The following ARHGAP25 variants were observed in gnomAD, a reference collection of about 807,000 sequenced individuals.
ARHGAP25 encodes the protein Rho GTPase activating protein 25, also known as rho GTPase-activating protein 25.
A neutral mutation model predicts 71.0 loss-of-function variants in ARHGAP25; 34 were observed. The observed-to-expected ratio is 0.48, with a 90% CI of 0.36 to 0.64. ARHGAP25 has a LOEUF of 0.64. Ranked by LOEUF, ARHGAP25 falls within the 30% of genes least tolerant of loss-of-function variation. The pLI is 0.00. For missense variants in ARHGAP25, 706 were observed against 805.1 expected, an observed-to-expected ratio of 0.88 and a Z score of 1.49; for synonymous variants, 282 against 296.5, an observed-to-expected ratio of 0.95 and a Z score of 0.50.
At chr2:68,748,715 A>G (rs1675983120) in intron 1 of ARHGAP25, among the ~76,000 whole-genome samples, 1 of 152,204 alleles carries the variant, frequency 6.6e-6, no homozygotes, top group Non-Finnish European at 1.5e-5. Flanking sequence ...TGGAGAGGGA[A>G]GTGGGGCTTT....
At chr2:68,794,502 C>G (rs1006295302) in intron 4 of ARHGAP25, among the ~76,000 whole-genome samples, 2 of 152,072 alleles carry the variant, frequency 1.3e-5, no homozygotes, top group Non-Finnish European at 2.9e-5. Context: ...TTATCATATG[C>G]TTTTTCTGTG....
chr2:68,757,078 A>G (rs1255851213), intron 1 of ARHGAP25, among the ~76,000 whole-genome samples: 1 of 152,174 alleles, frequency 6.6e-6, no homozygotes, highest in Non-Finnish European at 1.5e-5. Flanking sequence ...AGAAGAAAGA[A>G]TCAACAAACT....
At chr2:68,752,784 C>T (rs1429973725) in intron 1 of ARHGAP25, among the ~76,000 whole-genome samples, 1 of 152,064 alleles carries the variant, frequency 6.6e-6, no homozygotes, top group Non-Finnish European at 1.5e-5. Context: ...GATTTCCAAC[C>T]CCCCAAATTT....
intron 4 of ARHGAP25, among the ~76,000 whole-genome samples, chr2:68,794,120 T>G (rs1319851953): frequency 6.6e-6 from 1 of 152,232 alleles, no homozygotes; most frequent in Non-Finnish European, 1.5e-5. Flanking sequence ...GTTGATTTTA[T>G]ATCCTGAAAC....
At chr2:68,738,900 G>C (rs1468219956) in intron 1 of ARHGAP25, among the ~76,000 whole-genome samples, 1 of 151,986 alleles carries the variant, frequency 6.6e-6, no homozygotes, top group African/African-American at 2.4e-5. Flanking sequence ...GTTCCTTCCA[G>C]GGCCCACTCT....
upstream of ARHGAP25, among the ~76,000 whole-genome samples, chr2:68,730,485 A>G (rs961517782): frequency 2.0e-5 from 3 of 151,970 alleles, no homozygotes; most frequent in Non-Finnish European, 2.9e-5. Flanking sequence ...TCTCTACAGA[A>G]CGAGTTTTTA....
At chr2:68,750,667 C>T (rs897630796) in intron 1 of ARHGAP25, among the ~76,000 whole-genome samples, 4 of 152,250 alleles carry the variant, frequency 2.6e-5, no homozygotes, top group South Asian at 2.1e-4. Flanking sequence ...CTGTGAGAGG[C>T]GTCTGTGTGT....
intron 4 of ARHGAP25, among the ~76,000 whole-genome samples, chr2:68,790,275 C>G (rs1440943635): frequency 6.6e-6 from 1 of 152,172 alleles, no homozygotes; most frequent in East Asian, 1.9e-4. Context: ...CAGGCATGAG[C>G]CACCGTGCCC....
At chr2:68,752,631 T>C (rs1676244974) in intron 1 of ARHGAP25, among the ~76,000 whole-genome samples, 1 of 152,134 alleles carries the variant, frequency 6.6e-6, no homozygotes, top group South Asian at 2.1e-4. Flanking sequence ...TCTATTTCAT[T>C]TCTCCTCAGT....
At chr2:68,752,569 C>T (rs1676241370) in intron 1 of ARHGAP25, among the ~76,000 whole-genome samples, 1 of 152,126 alleles carries the variant, frequency 6.6e-6, no homozygotes, top group African/African-American at 2.4e-5. Flanking sequence ...CTTGAACATT[C>T]CCCCTTGGAC....
intron 1 of ARHGAP25, among the ~76,000 whole-genome samples, chr2:68,763,204 A>T (rs1398882488): frequency 6.6e-6 from 1 of 152,238 alleles, no homozygotes; most frequent in Non-Finnish European, 1.5e-5. Flanking sequence ...AACTCTAAAA[A>T]ATCTTTAACA....
chr2:68,762,687 A>T (rs1304669224), intron 1 of ARHGAP25, among the ~76,000 whole-genome samples: 1 of 152,184 alleles, frequency 6.6e-6, no homozygotes, highest in Non-Finnish European at 1.5e-5. Context: ...TACTGGCTAA[A>T]AACAAACAGA....
chr2:68,821,205 C>T (rs1018401984), intron 9 of ARHGAP25, among the ~76,000 whole-genome samples: 15 of 146,572 alleles, frequency 1.0e-4, no homozygotes, highest in African/African-American at 3.0e-4. Flanking sequence ...GGCAATCCTT[C>T]GGCCTCGGCC....
chr2:68,808,408 A>G (rs977115896), intron 5 of ARHGAP25, among the ~76,000 whole-genome samples: 15 of 151,882 alleles, frequency 9.9e-5, no homozygotes, highest in Admixed American at 1.3e-4. Context: ...AAGCTCCCTC[A>G]CCCCTCACTC....
At chr2:68,799,924 G>T (rs765854690) in intron 4 of ARHGAP25, among the ~76,000 whole-genome samples, 1 of 152,188 alleles carries the variant, frequency 6.6e-6, no homozygotes, top group East Asian at 1.9e-4. Context: ...GTGAGTCTTC[G>T]GCCCTGCCAT....
At chr2:68,764,524 G>A (rs542099923) in intron 1 of ARHGAP25, among the ~76,000 whole-genome samples, 1 of 152,276 alleles carries the variant, frequency 6.6e-6, no homozygotes, top group Admixed American at 6.5e-5. Context: ...TGTAGCTCCA[G>A]GTTAGGTGGA....
chr2:68,792,636 A>G lies in ARHGAP25; in HGVS notation c.466+4680A>G, dbSNP rs114394498. On this transcript the variant is annotated intron_variant, in intron 4 of 10. Coordinates refer to ENST00000409202, the MANE Select transcript of ARHGAP25 (RefSeq NM_001007231.3). ...TCTTTGGCTGAACAGTAAGTATACC[A>G]TTGTGTATTTATACCATATTTTCTT... Among the ~76,000 whole-genome samples the G allele has an allele frequency of 6.8e-3, 1,034 of 152,338 alleles. 10 individuals are homozygous for G. The highest frequency in any genetic ancestry group is 0.024 in the African/African-American group (984 of 41,578).
At chr2:68,766,797 CCTCT>C (rs990951884) in intron 1 of ARHGAP25, among the ~76,000 whole-genome samples, 3 of 150,764 alleles carry the variant, frequency 2.0e-5, no homozygotes, top group Non-Finnish European at 4.4e-5. Context: ...ATTCTCTCTC[CCTCT>C]CTCTTTTTCT....
At chr2:68,752,086 A>G (rs778886890) in intron 1 of ARHGAP25, among the ~76,000 whole-genome samples, 3 of 152,190 alleles carry the variant, frequency 2.0e-5, no homozygotes, top group Non-Finnish European at 4.4e-5. Context: ...GACCTCACTT[A>G]TTGTGTTGGG....
Sources: allele counts gnomAD v4.1 joint callset (sites outside exome capture counted in the v4.1 genomes callset), GRCh38; gene constraint gnomAD v4.1.1; transcripts MANE v1.5; gene names NCBI Gene and HGNC (gene_info 2026-07-23, HGNC 2026-07-21).